FOXJ3: variants seen among roughly 807,000 people sequenced by gnomAD.
FOXJ3 encodes forkhead box protein J3.
A neutral mutation model predicts 76.1 loss-of-function variants in FOXJ3; 22 were observed. The ratio of observed to expected loss-of-function variants is 0.29; its 90% CI spans 0.21 to 0.41. The LOEUF (loss-of-function observed/expected upper bound fraction) is 0.41. FOXJ3 is among the 10% of genes least tolerant of loss of function. FOXJ3 has a pLI of 1.00. For synonymous variants in FOXJ3, 269 were observed against 261.2 expected (o/e 1.03, Z -0.29); for missense variants, 613 against 762.1 (o/e 0.80, Z 2.30).
intron 5 of FOXJ3, among the ~76,000 whole-genome samples, chr1:42,223,886 T>A (rs549441060): frequency 6.6e-6 from 1 of 152,346 alleles, no homozygotes; most frequent in Non-Finnish European, 1.5e-5. Context: ...GCACAAACTG[T>A]GAAGGCAAGA....
At chr1:42,260,986 T>A (rs940445607) in intron 4 of FOXJ3, among the ~76,000 whole-genome samples, 1 of 152,222 alleles carries the variant, frequency 6.6e-6, no homozygotes, top group African/African-American at 2.4e-5. Flanking sequence ...CTAAGCCCTA[T>A]AATCCTTTAG....
intron 4 of FOXJ3, among the ~76,000 whole-genome samples, chr1:42,262,853 TTAAC>T (rs1651158760): frequency 6.6e-6 from 1 of 151,992 alleles, no homozygotes; most frequent in African/African-American, 2.4e-5. Flanking sequence ...CGTCTCAAAA[TTAAC>T]AAACAAATAA....
At chr1:42,325,037 C>T (rs1368528807) in intron 1 of FOXJ3, among the ~76,000 whole-genome samples, 1 of 152,064 alleles carries the variant, frequency 6.6e-6, no homozygotes, top group Non-Finnish European at 1.5e-5. Flanking sequence ...CACAGTTGAC[C>T]AAAATGTCAT....
At chr1:42,286,468 C>T (rs539896852) in intron 2 of FOXJ3, among the ~76,000 whole-genome samples, 49 of 152,218 alleles carry the variant, frequency 3.2e-4, no homozygotes, top group African/African-American at 1.1e-3. Flanking sequence ...TCTCAGTTTC[C>T]TCATCTGTAA....
intron 1 of FOXJ3, among the ~76,000 whole-genome samples, chr1:42,331,523 G>A (rs372703045): frequency 1.3e-5 from 2 of 152,150 alleles, no homozygotes; most frequent in African/African-American, 2.4e-5. Context: ...CTACATGGAT[G>A]GGCCTTGAAA....
At chr1:42,182,319 A>G (rs1199251538) in intron 11 of FOXJ3, among the ~76,000 whole-genome samples, 2 of 152,338 alleles carry the variant, frequency 1.3e-5, no homozygotes, top group South Asian at 4.1e-4. Context: ...TTACAATTCA[A>G]AAGTATTTTT....
At chr1:42,216,670 T>A (rs191765011) in intron 5 of FOXJ3, among the ~76,000 whole-genome samples, 24 of 152,322 alleles carry the variant, frequency 1.6e-4, no homozygotes, top group Non-Finnish European at 5.9e-5. Context: ...AAAGAGGATC[T>A]ACATGGTTGG....
At chr1:42,316,555 T>A (rs1655123373) in intron 1 of FOXJ3, among the ~76,000 whole-genome samples, 1 of 152,026 alleles carries the variant, frequency 6.6e-6, no homozygotes, top group South Asian at 2.1e-4. Flanking sequence ...CTACCATTCA[T>A]GACCTTGTAG....
chr1:42,251,747 T>C (rs1328603031), intron 4 of FOXJ3, among the ~76,000 whole-genome samples: 4 of 144,234 alleles, frequency 2.8e-5, no homozygotes, highest in Non-Finnish European at 4.5e-5. Context: ...GAGACGGAGT[T>C]TTGCTCTGTT....
intron 4 of FOXJ3, among the ~76,000 whole-genome samples, chr1:42,247,569 A>G (rs1050229702): frequency 1.3e-5 from 2 of 152,332 alleles, no homozygotes; most frequent in East Asian, 1.9e-4. Context: ...GAAAATCAAA[A>G]CCATTACAAA....
chr1:42,250,254 T>C lies in FOXJ3; in HGVS notation c.444+14861A>G, dbSNP rs991054714. Among the ~76,000 whole-genome samples, 14 of 152,296 alleles carry C rather than the reference T, an allele frequency of 9.2e-5. No homozygotes were observed. The East Asian group carries it at 2.7e-3, about 29-fold the overall frequency. ...CTCTTCTAATTATTTTGTTTTCGTA[T>C]AAAAACCAGGATCTGAAAAGATCAG... On this transcript the variant is annotated intron_variant, in intron 4 of 12. Coordinates refer to ENST00000361346, the MANE Select transcript of FOXJ3 (RefSeq NM_014947.5).
At chr1:42,289,429 T>C (rs551571341) in intron 2 of FOXJ3, among the ~76,000 whole-genome samples, 178 of 152,294 alleles carry the variant, frequency 1.2e-3, no homozygotes, top group African/African-American at 4.1e-3. Flanking sequence ...CAGTGAATGC[T>C]TGGCACATAG....
Position 42,256,386 on chromosome 1 carries a change from T to C in FOXJ3, c.444+8729A>G, listed in dbSNP as rs1271284742. Among the ~76,000 whole-genome samples the C allele has an allele frequency of 3.1e-4, 47 of 152,328 alleles. 2 individuals are homozygous for C. The highest frequency in any genetic ancestry group is 8.8e-5 in the Non-Finnish European group (6 of 68,022). ...TAAAACGCTTACAACTCAGTAATAATGACAACCAATTTTTTCTAAGTCAAA... is the reference window on the plus strand; with the variant it reads ...TAAAACGCTTACAACTCAGTAATAACGACAACCAATTTTTTCTAAGTCAAA... On this transcript the variant is annotated intron_variant, in intron 4 of 12. Coordinates refer to ENST00000361346, the MANE Select transcript of FOXJ3 (RefSeq NM_014947.5).
chr1:42,264,088 C>G (rs1041700023), intron 4 of FOXJ3, among the ~76,000 whole-genome samples: 1 of 151,456 alleles, frequency 6.6e-6, no homozygotes, highest in Admixed American at 6.6e-5. Flanking sequence ...AAAGAGGGAG[C>G]AACAAATTCA....
chr1:42,331,382 A>AAAT (rs202136162), intron 1 of FOXJ3, among the ~76,000 whole-genome samples: 5,885 of 152,078 alleles, frequency 0.039, 144 homozygotes, highest in South Asian at 0.091. Flanking sequence ...ACTCTGTCTC[A>AAAT]AATAATAATA....
At chr1:42,263,336 C>T (rs1409480291) in intron 4 of FOXJ3, among the ~76,000 whole-genome samples, 3 of 151,990 alleles carry the variant, frequency 2.0e-5, no homozygotes, top group African/African-American at 7.3e-5. Flanking sequence ...AAAATCCAAT[C>T]AGAACCAAAA....
chr1:42,306,960 C>T (rs1274978789), intron 2 of FOXJ3, among the ~76,000 whole-genome samples: 3 of 152,150 alleles, frequency 2.0e-5, no homozygotes, highest in Non-Finnish European at 4.4e-5. Context: ...CACCCCTACC[C>T]GTATTCTGCT....
rs145016648 is a variant in FOXJ3, at chr1:42,257,533, T to C, written c.444+7582A>G. On this transcript the variant is annotated intron_variant, in intron 4 of 12. Transcript: ENST00000361346. ...GAGTTCGAGACCAGCCTGGCCAACA[T>C]GGTGAAATCCCATCTCTACTGAAAA... is the stretch of plus-strand genomic sequence containing the variant. 8.5e-5 allele frequency among the ~76,000 whole-genome samples: 13 copies of C among 152,120 alleles called. No homozygotes were observed. The East Asian group carries it at 2.5e-3, about 29-fold the overall frequency.
chr1:42,227,954 C>A lies in FOXJ3; in HGVS notation c.457G>T (p.Ala153Ser), dbSNP rs778053981. ...KDDPGKGSYW[A>S]IDTNPKEDVL... ...TCTTCCTTCGGATTGGTGTCTATTG[C>A]CCAGTAGGACCCCTAGAGGTAAAGA... The change falls in exon 5 of 13, where the codon GCA (alanine) becomes TCA (serine). Residue 153 changes from alanine to serine, a missense_variant. Coordinates refer to ENST00000361346, the MANE Select transcript of FOXJ3 (RefSeq NM_014947.5). 6.5e-7 allele frequency: 1 copy of A among 1,546,406 alleles called. No homozygotes were observed. Among genetic ancestry groups the A allele is most frequent in the Non-Finnish European group, 8.8e-7 (1 of 1,131,124 alleles).
Sources: allele counts gnomAD v4.1 joint callset (sites outside exome capture counted in the v4.1 genomes callset), GRCh38; gene constraint gnomAD v4.1.1; transcripts MANE v1.5; gene names NCBI Gene and HGNC (gene_info 2026-07-23, HGNC 2026-07-21).